Variants in GPC5 observed in about 807,000 individuals in gnomAD.
The protein encoded by GPC5 is glypican 5, also known as glypican-5.
A neutral mutation model predicts 53.9 loss-of-function variants in GPC5; 47 were observed. The ratio of observed to expected loss-of-function variants is 0.87; its 90% confidence interval spans 0.69 to 1.11. The LOEUF (loss-of-function observed/expected upper bound fraction) is 1.11, where lower values mean the gene tolerates loss of function less well. Among genes scored for constraint, GPC5 ranks in the 50% most tolerant of loss-of-function variants. GPC5 has a pLI of 0.00. For synonymous variants in GPC5, 286 were observed against 263.3 expected, an observed-to-expected ratio of 1.09 and a Z score of -0.84; for missense variants, 748 against 713.1, an observed-to-expected ratio of 1.05 and a Z score of -0.56.
intron 6 of GPC5, among the ~76,000 whole-genome samples, chr13:92,098,175 G>T (rs1454743008): frequency 6.6e-6 from 1 of 152,046 alleles, no homozygotes; most frequent in East Asian, 1.9e-4. Context: ...CCACCCTCTT[G>T]TAGGCTCCAG....
chr13:91,957,660 A>G (rs1455705909), intron 6 of GPC5, among the ~76,000 whole-genome samples: 1 of 152,140 alleles, frequency 6.6e-6, no homozygotes, highest in Non-Finnish European at 1.5e-5. Flanking sequence ...CAAAGTGATG[A>G]AAGAAAAAAC....
At chr13:92,712,133 C>T (rs1888161239) in intron 7 of GPC5, among the ~76,000 whole-genome samples, 1 of 149,942 alleles carries the variant, frequency 6.7e-6, no homozygotes, top group South Asian at 2.1e-4. Flanking sequence ...AATGATAAAC[C>T]ACTAGTGAGA....
chr13:91,893,514 G>A (rs546330351), intron 5 of GPC5, among the ~76,000 whole-genome samples: 1 of 151,996 alleles, frequency 6.6e-6, no homozygotes, highest in African/African-American at 2.4e-5. Flanking sequence ...TAAAACATGT[G>A]CATGTGTATG....
At chr13:92,197,944 CCTT>C (rs1400645493) in intron 7 of GPC5, among the ~76,000 whole-genome samples, 1 of 152,108 alleles carries the variant, frequency 6.6e-6, no homozygotes, top group African/African-American at 2.4e-5. Flanking sequence ...GCCATGTGGG[CCTT>C]CTTTTGATTC....
intron 7 of GPC5, chr13:92,659,161 C>G (rs1487814009): frequency 3.3e-5 from 5 of 151,412 alleles, no homozygotes; most frequent in African/African-American, 9.7e-5. Flanking sequence ...ATCTCCTGAC[C>G]TCGTGATCCG....
At chr13:91,499,631 G>T (rs1454644031) in intron 2 of GPC5, among the ~76,000 whole-genome samples, 1 of 152,136 alleles carries the variant, frequency 6.6e-6, no homozygotes, top group Non-Finnish European at 1.5e-5. Flanking sequence ...AAATCACGAT[G>T]GCAATGAAAT....
At chr13:92,110,172 G>C (rs1475260836) in intron 6 of GPC5, among the ~76,000 whole-genome samples, 2 of 152,068 alleles carry the variant, frequency 1.3e-5, no homozygotes, top group South Asian at 2.1e-4. Flanking sequence ...AAAAACACAG[G>C]ATTGGCTCTA....
chr13:91,976,355 G>A (rs544967734), intron 6 of GPC5, among the ~76,000 whole-genome samples: 1 of 152,304 alleles, frequency 6.6e-6, no homozygotes, highest in South Asian at 2.1e-4. Context: ...CCAGAGATTT[G>A]GTTTAGGTCC....
chr13:92,386,156 G>T (rs552856064), intron 7 of GPC5, among the ~76,000 whole-genome samples: 1 of 152,100 alleles, frequency 6.6e-6, no homozygotes, highest in African/African-American at 2.4e-5. Flanking sequence ...TAGGAAAGCT[G>T]TAAAAAGGTA....
At chr13:91,903,043 T>TTA (rs2039515163) in intron 5 of GPC5, among the ~76,000 whole-genome samples, 1 of 150,954 alleles carries the variant, frequency 6.6e-6, no homozygotes, top group Non-Finnish European at 1.5e-5. Context: ...TTTTTTTTTT[T>TTA]AACAAACTTA....
chr13:92,122,435 C>T (rs1443208213), intron 6 of GPC5, among the ~76,000 whole-genome samples: 10 of 151,866 alleles, frequency 6.6e-5, no homozygotes, highest in East Asian at 1.9e-4. Flanking sequence ...GCTCCGATTA[C>T]GCTTCTGCTT....
intron 6 of GPC5, among the ~76,000 whole-genome samples, chr13:92,008,479 GT>G (rs112022636): frequency 1.6e-4 from 24 of 147,148 alleles, no homozygotes; most frequent in African/African-American, 3.2e-4. Context: ...CTCTTTATGG[GT>G]TTTTTTTTTA....
chr13:92,006,588 A>T (rs1317849115), intron 6 of GPC5, among the ~76,000 whole-genome samples: 2 of 152,196 alleles, frequency 1.3e-5, no homozygotes, highest in Admixed American at 6.5e-5. Context: ...ATACCCAAGT[A>T]AACTCTTGAT....
intron 7 of GPC5, among the ~76,000 whole-genome samples, chr13:92,476,967 C>T (rs1212027240): frequency 1.3e-5 from 2 of 148,396 alleles, no homozygotes; most frequent in Non-Finnish European, 3.0e-5. Context: ...GTGGGTGCAG[C>T]GCACCAGCAT....
intron 7 of GPC5, among the ~76,000 whole-genome samples, chr13:92,527,267 G>T (rs1456175716): frequency 7.8e-6 from 1 of 127,742 alleles, no homozygotes; most frequent in Non-Finnish European, 1.7e-5. Flanking sequence ...AAGAAAGAAA[G>T]AAAGAAAGAA....
intron 7 of GPC5, among the ~76,000 whole-genome samples, chr13:92,771,296 G>A (rs923406921): frequency 6.6e-6 from 1 of 152,076 alleles, no homozygotes; most frequent in Non-Finnish European, 1.5e-5. Context: ...TCAAGAAATA[G>A]GATCTAGACT....
chr13:92,206,167 A>ATT (rs1333690683), intron 7 of GPC5, among the ~76,000 whole-genome samples: 2 of 27,982 alleles, frequency 7.1e-5, no homozygotes, highest in Non-Finnish European at 1.8e-4. Flanking sequence ...TTTTTTTTTT[A>ATT]TTTTTTTTTT....
intron 2 of GPC5, among the ~76,000 whole-genome samples, chr13:91,496,380 G>C (rs1884264012): frequency 2.0e-5 from 3 of 152,142 alleles, no homozygotes; most frequent in Admixed American, 2.0e-4. Context: ...AGCAACCTAA[G>C]TGTCTATCAA....
chr13:92,814,043 A>C (rs1877381874), intron 7 of GPC5, among the ~76,000 whole-genome samples: 1 of 152,050 alleles, frequency 6.6e-6, no homozygotes, highest in Non-Finnish European at 1.5e-5. Flanking sequence ...ATGTGGATGA[A>C]AGGAACAGAA....
Sources: gnomAD v4.1 joint callset for allele counts (sites outside exome capture counted in the v4.1 genomes callset) on GRCh38, gnomAD v4.1.1 for gene constraint, MANE v1.5 for transcripts, NCBI Gene and HGNC (gene_info 2026-07-23, HGNC 2026-07-21) for gene names.